PTPRG: variants seen among roughly 807,000 people sequenced by gnomAD.
PTPRG encodes receptor-type tyrosine-protein phosphatase gamma.
In PTPRG, 102 loss-of-function variants were observed where a neutral mutation model predicts 165.3. The ratio of observed to expected loss-of-function variants is 0.62; its 90% CI spans 0.53 to 0.73. PTPRG has a LOEUF of 0.73. Among genes scored for constraint, PTPRG ranks in the 30% least tolerant of loss-of-function variants. PTPRG has a pLI of 0.00. For missense variants in PTPRG, 1,866 were observed against 1,861.4 expected (o/e 1.00, Z -0.05); for synonymous variants, 675 against 669.5 (o/e 1.01, Z -0.13).
At chr3:61,781,479 G>A (rs1384708534) in intron 2 of PTPRG, among the ~76,000 whole-genome samples, 1 of 152,212 alleles carries the variant, frequency 6.6e-6, no homozygotes, top group African/African-American at 2.4e-5. Flanking sequence ...CAGTGAATTT[G>A]GGATACATAT....
intron 1 of PTPRG, among the ~76,000 whole-genome samples, chr3:61,745,111 C>G (rs113552061): frequency 7.7e-6 from 1 of 129,774 alleles, no homozygotes; most frequent in Non-Finnish European, 1.5e-5. Flanking sequence ...AGTGCAGTGG[C>G]GTGATCTCGG....
chr3:61,894,721 C>T (rs1369519592), intron 2 of PTPRG, among the ~76,000 whole-genome samples: 2 of 152,116 alleles, frequency 1.3e-5, no homozygotes, highest in East Asian at 3.9e-4. Context: ...AAAACATGGT[C>T]ACAAAGAAAA....
At chr3:61,902,677 C>CT (rs1238403925) in intron 2 of PTPRG, among the ~76,000 whole-genome samples, 26 of 152,304 alleles carry the variant, frequency 1.7e-4, no homozygotes, top group African/African-American at 6.3e-4. Flanking sequence ...TCAGCAGTGT[C>CT]TTAACATATA....
intron 2 of PTPRG, among the ~76,000 whole-genome samples, chr3:61,957,449 A>G (rs2040058355): frequency 6.6e-6 from 1 of 152,234 alleles, no homozygotes; most frequent in Non-Finnish European, 1.5e-5. Context: ...TGAATGATGC[A>G]CTGTGCTGTA....
At chr3:61,588,937 T>C (rs942481104) in intron 1 of PTPRG, among the ~76,000 whole-genome samples, 4 of 152,192 alleles carry the variant, frequency 2.6e-5, no homozygotes, top group South Asian at 2.1e-4. Context: ...ATTCATAGCA[T>C]GCTAAGTTGG....
intron 6 of PTPRG, among the ~76,000 whole-genome samples, chr3:62,151,427 T>C (rs1457743098): frequency 6.6e-6 from 1 of 152,212 alleles, no homozygotes; most frequent in Non-Finnish European, 1.5e-5. Context: ...GACTACTTAA[T>C]ACAGTGTGTA....
chr3:62,119,102 C>G (rs183706147), intron 5 of PTPRG, among the ~76,000 whole-genome samples: 27 of 152,202 alleles, frequency 1.8e-4, no homozygotes, highest in African/African-American at 6.3e-4. Context: ...TCCAGTCAAG[C>G]GATCAGATTT....
chr3:61,759,249 A>C (rs1205892884), intron 2 of PTPRG, among the ~76,000 whole-genome samples: 1 of 152,220 alleles, frequency 6.6e-6, no homozygotes, highest in Non-Finnish European at 1.5e-5. Context: ...TAACTTGTGT[A>C]GGTTAAAAAC....
chr3:61,834,530 T>C (rs1033090397), intron 2 of PTPRG, among the ~76,000 whole-genome samples: 1 of 151,946 alleles, frequency 6.6e-6, no homozygotes, highest in Non-Finnish European at 1.5e-5. Context: ...CTTAAAAACA[T>C]AAGGCTTGCC....
rs60282456 is a variant in PTPRG, at chr3:61,887,170, A to ATATATATTTTTT, written c.191-102454_191-102453insATATATTTTTTT. Among the ~76,000 whole-genome samples the ATATATATTTTTT allele has an allele frequency of 4.3e-5, 5 of 115,530 alleles. 1 individual carries two copies. The East Asian group carries it at 9.9e-4, about 23-fold the overall frequency. 75.8% of individuals were successfully genotyped at this position (115,530 alleles called of 152,430 possible). A position where few individuals can be genotyped will look rare whatever the true frequency, so the allele number is the denominator to read the frequency against. ...TATATATATATATATATATATATATATTTTTAATGCCATCATCAAACACTC... is the reference window on the plus strand; with the variant it reads ...TATATATATATATATATATATATATATATATATTTTTTTTTTTAATGCCATCATCAAACACTC... On this transcript the variant is annotated intron_variant, in intron 2 of 29. Transcript: ENST00000474889.
intron 23 of PTPRG, among the ~76,000 whole-genome samples, chr3:62,274,560 A>G (rs2148877814): frequency 6.6e-6 from 1 of 152,262 alleles, no homozygotes; most frequent in African/African-American, 2.4e-5. Flanking sequence ...ATTGTTCTGT[A>G]TGTAAATAGT....
chr3:61,604,752 C>T (rs1174295551), intron 1 of PTPRG, among the ~76,000 whole-genome samples: 4 of 150,004 alleles, frequency 2.7e-5, no homozygotes, highest in East Asian at 3.9e-4. Flanking sequence ...TTTTTTTCCC[C>T]CTAGAACCCT....
chr3:61,661,719 C>G (rs1702673953), intron 1 of PTPRG, among the ~76,000 whole-genome samples: 1 of 152,044 alleles, frequency 6.6e-6, no homozygotes, highest in Non-Finnish European at 1.5e-5. Flanking sequence ...GAGGAGATAT[C>G]AATTTGTGTG....
intron 1 of PTPRG, among the ~76,000 whole-genome samples, chr3:61,668,762 T>G (rs1038367454): frequency 4.6e-5 from 7 of 152,168 alleles, no homozygotes; most frequent in African/African-American, 9.7e-5. Flanking sequence ...CAGAGTAGAA[T>G]CACAACAAAT....
intron 6 of PTPRG, among the ~76,000 whole-genome samples, chr3:62,149,235 A>T (rs528424769): frequency 6.6e-6 from 1 of 151,604 alleles, no homozygotes; most frequent in African/African-American, 2.4e-5. Flanking sequence ...TGGATCATAA[A>T]ATTAACTCCC....
At chr3:62,188,422 A>G (rs1699719175) in intron 8 of PTPRG, among the ~76,000 whole-genome samples, 2 of 152,084 alleles carry the variant, frequency 1.3e-5, no homozygotes, top group Admixed American at 1.3e-4. Context: ...ATCCTATTCT[A>G]TTTCTATCAA....
At chr3:61,977,135 G>A (rs1024865015) in intron 2 of PTPRG, among the ~76,000 whole-genome samples, 2 of 151,936 alleles carry the variant, frequency 1.3e-5, no homozygotes, top group Non-Finnish European at 2.9e-5. Context: ...ATCTGATTAT[G>A]TGCTCTATGT....
At chr3:61,767,393 A>T (rs576567777) in intron 2 of PTPRG, among the ~76,000 whole-genome samples, 3 of 152,148 alleles carry the variant, frequency 2.0e-5, no homozygotes, top group Non-Finnish European at 4.4e-5. Context: ...AGTTTTTTCT[A>T]ATTTTCCCCA....
At chr3:62,055,558 A>T (rs1181445527) in intron 4 of PTPRG, among the ~76,000 whole-genome samples, 1 of 152,202 alleles carries the variant, frequency 6.6e-6, no homozygotes, top group Non-Finnish European at 1.5e-5. Context: ...TGCCTTGACA[A>T]ATTATCACAA....
Sources: gnomAD v4.1 joint callset for allele counts (sites outside exome capture counted in the v4.1 genomes callset) on GRCh38, gnomAD v4.1.1 for gene constraint, MANE v1.5 for transcripts, NCBI Gene and HGNC (gene_info 2026-07-23, HGNC 2026-07-21) for gene names.